The following PATJ variants were observed in gnomAD, a reference collection of about 807,000 sequenced individuals.
PATJ encodes the protein inaD-like protein.
A neutral mutation model predicts 224.9 loss-of-function variants in PATJ; 190 were observed. The observed-to-expected ratio is 0.84, with a 90% CI of 0.75 to 0.95. The LOEUF is 0.95. Among genes scored for constraint, PATJ ranks in the 40% least tolerant of loss-of-function variants. The pLI, the probability that PATJ is intolerant of heterozygous loss-of-function variation, is 0.00. For missense variants in PATJ, 2,121 were observed against 2,270.3 expected (o/e 0.93, Z 1.34); for synonymous variants, 769 against 820.3 (o/e 0.94, Z 1.07).
chr1:61,809,890 G>A (rs1654355868), intron 14 of PATJ, among the ~76,000 whole-genome samples: 1 of 146,212 alleles, frequency 6.8e-6, no homozygotes, highest in Admixed American at 7.1e-5. Flanking sequence ...CTGTCGCCCA[G>A]GCTGGAGTGC....
chr1:62,140,020 A>G (rs1342302289), intron 41 of PATJ, among the ~76,000 whole-genome samples: 1 of 152,048 alleles, frequency 6.6e-6, no homozygotes, highest in Non-Finnish European at 1.5e-5. Flanking sequence ...TGGGCCTCCC[A>G]AAGTGTTAGG....
intron 33 of PATJ, among the ~76,000 whole-genome samples, chr1:62,102,532 G>C (rs763822791): frequency 2.6e-5 from 4 of 152,096 alleles, no homozygotes; most frequent in Non-Finnish European, 4.4e-5. Flanking sequence ...CTGAAAAGCT[G>C]AAGGTAAGGA....
intron 41 of PATJ, among the ~76,000 whole-genome samples, chr1:62,144,777 A>AATATATATATAT (rs1553280095): frequency 4.6e-4 from 55 of 119,098 alleles, no homozygotes; most frequent in African/African-American, 1.6e-3. Flanking sequence ...AAAAAAAAAA[A>AATATATATATAT]ATATATATAT....
At chr1:62,091,161 A>G (rs548801991) in intron 33 of PATJ, among the ~76,000 whole-genome samples, 8 of 152,108 alleles carry the variant, frequency 5.3e-5, no homozygotes, top group African/African-American at 1.9e-4. Context: ...ATCCCAGGAT[A>G]TGAATGAGAA....
At chr1:61,774,865 T>C (rs1441129069) in intron 6 of PATJ, among the ~76,000 whole-genome samples, 1 of 152,160 alleles carries the variant, frequency 6.6e-6, no homozygotes, top group South Asian at 2.1e-4. Flanking sequence ...TATTTACTGG[T>C]CCCTACTATG....
intron 37 of PATJ, among the ~76,000 whole-genome samples, chr1:62,120,062 T>C (rs1292302341): frequency 2.0e-5 from 3 of 152,206 alleles, no homozygotes; most frequent in African/African-American, 7.2e-5. Context: ...TATAGTACCA[T>C]TTACTTAAAT....
intron 22 of PATJ, among the ~76,000 whole-genome samples, chr1:61,890,489 TG>T (rs1373919947): frequency 6.6e-6 from 1 of 151,932 alleles, no homozygotes; most frequent in East Asian, 1.9e-4. Flanking sequence ...TATTTTTTAT[TG>T]GTTTTTTTTT....
In PATJ at chr1:61,920,942, G is replaced by T. The variant is rs369543327; in HGVS notation, c.3570+6278G>T. ...GCTGGTCTTGAACTCCTGACCTCAG[G>T]TGATCCACCCGCCTCAGCCTCCCAA... On this transcript the variant is annotated intron_variant, in intron 26 of 43. Transcript: ENST00000642238. Among the ~76,000 whole-genome samples the T allele has an allele frequency of 3.2e-4, 48 of 152,114 alleles. No individual in the cohort carries two copies. The East Asian group carries it at 9.1e-3, about 29-fold the overall frequency.
intron 29 of PATJ, among the ~76,000 whole-genome samples, chr1:62,028,101 G>C (rs1648376310): frequency 6.6e-6 from 1 of 152,098 alleles, no homozygotes; most frequent in Non-Finnish European, 1.5e-5. Context: ...TTTCATCTAA[G>C]AGTTTTATAG....
At chr1:62,010,078 C>CAAAAAA (rs34658070) in intron 28 of PATJ, among the ~76,000 whole-genome samples, 2 of 84,272 alleles carry the variant, frequency 2.4e-5, no homozygotes, top group African/African-American at 3.7e-5. Flanking sequence ...GACTCCATCT[C>CAAAAAA]AAAAAAAAAA....
intron 31 of PATJ, among the ~76,000 whole-genome samples, chr1:62,060,124 A>T (rs960190905): frequency 6.6e-6 from 1 of 152,198 alleles, no homozygotes; most frequent in East Asian, 1.9e-4. Context: ...AATAATAGCA[A>T]TACCATCCAC....
At chr1:61,796,724 T>TC (rs1553163034) in intron 10 of PATJ, among the ~76,000 whole-genome samples, 2 of 52,730 alleles carry the variant, frequency 3.8e-5, no homozygotes, top group African/African-American at 1.6e-4. Flanking sequence ...CTTTCTTTCT[T>TC]TTTCTTTCTT....
At chr1:61,899,477 A>C in intron 22 of PATJ, 106 bp from the exon 23 acceptor site, 1 of 615,942 alleles carries the variant, frequency 1.6e-6, no homozygotes, top group Non-Finnish European at 2.7e-6. Flanking sequence ...AAAAATTGAG[A>C]ATCATTTAAC....
chr1:62,141,799 T>A (rs1667532519), intron 41 of PATJ, among the ~76,000 whole-genome samples: 1 of 151,980 alleles, frequency 6.6e-6, no homozygotes, highest in African/African-American at 2.4e-5. Flanking sequence ...TGAAACCCCA[T>A]CTCTACTAAA....
chr1:61,763,836 T>A (rs1646108269), intron 3 of PATJ, among the ~76,000 whole-genome samples: 1 of 151,920 alleles, frequency 6.6e-6, no homozygotes, highest in South Asian at 2.1e-4. Context: ...TTTTAAAAAT[T>A]TTATAGAGGC....
chr1:61,863,251 G>T (rs1323466593), intron 19 of PATJ, among the ~76,000 whole-genome samples: 1 of 151,768 alleles, frequency 6.6e-6, no homozygotes, highest in Admixed American at 6.6e-5. Flanking sequence ...GCCCAGCCTG[G>T]TCTAGAACTC....
At chr1:62,150,470 T>C (rs1267708903) in intron 42 of PATJ, among the ~76,000 whole-genome samples, 1 of 150,548 alleles carries the variant, frequency 6.6e-6, no homozygotes, top group Non-Finnish European at 1.5e-5. Flanking sequence ...AGTTAAGGAG[T>C]GTAGTTGGAG....
chr1:62,146,188 C>T (rs900397607), intron 41 of PATJ, among the ~76,000 whole-genome samples: 9 of 152,050 alleles, frequency 5.9e-5, no homozygotes, highest in Middle Eastern at 3.4e-3. Context: ...GGTGGGGATG[C>T]GTCTGGCATG....
At chr1:62,041,181 G>A (rs1239329593) in intron 30 of PATJ, among the ~76,000 whole-genome samples, 1 of 152,094 alleles carries the variant, frequency 6.6e-6, no homozygotes, top group East Asian at 1.9e-4. Flanking sequence ...CATCTCCAGG[G>A]GATAAACATT....
Sources: gnomAD v4.1 joint callset for allele counts (sites outside exome capture counted in the v4.1 genomes callset) on GRCh38, gnomAD v4.1.1 for gene constraint, MANE v1.5 for transcripts, NCBI Gene and HGNC (gene_info 2026-07-23, HGNC 2026-07-21) for gene names.